ADGRF3: variants seen among roughly 807,000 people sequenced by gnomAD.
The protein encoded by ADGRF3 is adhesion G protein-coupled receptor F3.
Under a neutral mutation model 93.2 loss-of-function variants are expected in ADGRF3, and 85 were observed. The ratio of observed to expected loss-of-function variants is 0.91; its 90% CI spans 0.77 to 1.09. The LOEUF (loss-of-function observed/expected upper bound fraction) is 1.09, where lower values mean the gene tolerates loss of function less well. ADGRF3 is among the 50% of genes least tolerant of loss of function. The pLI is 0.00. For missense variants in ADGRF3, 1,125 were observed against 1,246.2 expected (o/e 0.90, Z 1.46); for synonymous variants, 534 against 532.5 (o/e 1.00, Z -0.04).
At chr2:26,339,356 G>T (rs1225457947) in intron 1 of ADGRF3, among the ~76,000 whole-genome samples, 1 of 151,750 alleles carries the variant, frequency 6.6e-6, no homozygotes, top group Non-Finnish European at 1.5e-5. Context: ...AAATTAGCTG[G>T]GCGTGGTGGC....
intron 1 of ADGRF3, among the ~76,000 whole-genome samples, chr2:26,331,484 G>T (rs1250827238): frequency 6.6e-6 from 1 of 152,178 alleles, no homozygotes; most frequent in Non-Finnish European, 1.5e-5. Context: ...CAGGGGCAGA[G>T]GTTGCAGTGA....
chr2:26,336,315 A>AGTGTGTGTGTGTGTGTGT (rs71399385), intron 1 of ADGRF3, among the ~76,000 whole-genome samples: 3,933 of 148,622 alleles, frequency 0.026, 78 homozygotes, highest in Middle Eastern at 0.038. Context: ...GGAGATCAAG[A>AGTGTGTGTGTGTGTGTGT]GTGTGTGTGT....
At chr2:26,310,407 G>C (rs1673970526) in intron 10 of ADGRF3, among the ~76,000 whole-genome samples, 170 bp from the exon 11 acceptor site, 1 of 152,126 alleles carries the variant, frequency 6.6e-6, no homozygotes, top group Non-Finnish European at 1.5e-5. Flanking sequence ...TATTGTTATG[G>C]TTATAAAAGG....
Position 26,341,827 on chromosome 2 carries a change from G to A in ADGRF3, c.114+4294C>T, listed in dbSNP as rs199635745. ...GGTGGCTCACACCTGTAATCCCAGC[G>A]CTTTGGGAGGCTGAGGCGGGCAGAT... On this transcript the variant is annotated intron_variant, in intron 1 of 13. Coordinates refer to ENST00000651242, the MANE Select transcript of ADGRF3 (RefSeq NM_001321971.2). Among the ~76,000 whole-genome samples the A allele has an allele frequency of 5.3e-5, 8 of 151,994 alleles. No individual in the cohort carries two copies. In the East Asian group the frequency reaches 9.7e-4, roughly 18 times the overall value.
intron 1 of ADGRF3, among the ~76,000 whole-genome samples, chr2:26,343,650 A>G (rs1236878854): frequency 6.6e-6 from 1 of 152,112 alleles, no homozygotes; most frequent in Non-Finnish European, 1.5e-5. Context: ...TCACCGTGTT[A>G]GCCAGGATGG....
chr2:26,329,832 T>C (rs1299580705), intron 1 of ADGRF3, among the ~76,000 whole-genome samples: 1 of 152,240 alleles, frequency 6.6e-6, no homozygotes, highest in Non-Finnish European at 1.5e-5. Flanking sequence ...TAAAACAGTG[T>C]TCACATTTAC....
At chr2:26,317,887 C>A in intron 1 of ADGRF3, 1 of 775,216 alleles carries the variant, frequency 1.3e-6, no homozygotes, top group Non-Finnish European at 2.2e-6. Context: ...AGCAGCGGAG[C>A]TGGACATTGC....
intron 1 of ADGRF3, among the ~76,000 whole-genome samples, chr2:26,332,490 A>G (rs1675819462): frequency 6.6e-6 from 1 of 152,256 alleles, no homozygotes; most frequent in Non-Finnish European, 1.5e-5. Context: ...CTGTAATTCC[A>G]GCACTTTGGG....
chr2:26,311,542 C>T lies in ADGRF3; in HGVS notation c.1982G>A (p.Trp661Ter), dbSNP rs762800134. ...CTGTGCCTGGCACCCTTCTTTGGAC[C>T]AACCCCCCCTGCCCTGGAAGAGACT... Reference protein sequence around the residue: ...DHSLFQGRGGWSKEGCQAQVA... With the variant: ...DHSLFQGRGG The change falls in exon 10 of 14, where the codon TGG becomes TAG. Residue 661 changes from tryptophan (W) to a stop codon, truncating the protein, a stop_gained. Coordinates refer to ENST00000651242, the MANE Select transcript of ADGRF3 (RefSeq NM_001321971.2). LOFTEE classifies it high-confidence loss of function. The T allele has an allele frequency of 6.2e-7, 1 of 1,613,972 alleles. No individual in the cohort carries two copies. The highest frequency in any genetic ancestry group is 1.7e-5 in the Admixed American group (1 of 60,030).
rs572659626 is a variant in ADGRF3 at position 26,331,315 on chromosome 2, C to T, written c.115-13753G>A. On this transcript the variant is annotated intron_variant, in intron 1 of 13. Transcript: ENST00000651242. ...CACACCTGTAATCACTTTAGGAGGC[C>T]GAGGCGGGTGGATCACCTGAGGTCA... is the stretch of plus-strand genomic sequence containing the variant. Among the ~76,000 whole-genome samples, 14 of 152,150 alleles carry T rather than the reference C, an allele frequency of 9.2e-5. No homozygotes were observed. In the East Asian group the frequency reaches 1.4e-3, roughly 15 times the overall value.
At chr2:26,344,857 T>C (rs1676609844) in intron 1 of ADGRF3, among the ~76,000 whole-genome samples, 1 of 152,086 alleles carries the variant, frequency 6.6e-6, no homozygotes, top group Non-Finnish European at 1.5e-5. Context: ...TTATCTACCA[T>C]ATACCAGGTA....
rs998799186 is a variant in ADGRF3, at chr2:26,346,429, G to A, written c.-195C>T. 9.3e-7 allele frequency: 1 copy of A among 1,071,842 alleles called. No individual in the cohort carries two copies. Among genetic ancestry groups the A allele is most frequent in the Admixed American group, 3.2e-5 (1 of 31,030 alleles). 66.4% of individuals were successfully genotyped at this position (1,071,842 alleles called of 1,614,324 possible). ...CGGGCGTTCCTCCGGAGGTCCTGCG[G>A]GTCCTGGGGATTGGGGGTCGGGGAG... On this transcript the variant is annotated 5_prime_UTR_variant, in exon 1 of 14. Transcript: ENST00000651242.
At chr2:26,332,896 C>T (rs989819707) in intron 1 of ADGRF3, among the ~76,000 whole-genome samples, 1 of 152,126 alleles carries the variant, frequency 6.6e-6, no homozygotes, top group Non-Finnish European at 1.5e-5. Flanking sequence ...GGATTATAGG[C>T]ACTAGCCTCC....
intron 1 of ADGRF3, among the ~76,000 whole-genome samples, chr2:26,334,843 T>G (rs1470764897): frequency 1.3e-5 from 2 of 152,188 alleles, no homozygotes; most frequent in East Asian, 3.8e-4. Context: ...AAGTACTAAA[T>G]TTTAAGCAAC....
rs533399485 is a variant in ADGRF3, at chr2:26,346,623, A to G, written c.-389T>C. The G allele has an allele frequency of 1.0e-5, 2 of 193,812 alleles. No homozygotes were observed. Among genetic ancestry groups the G allele is most frequent in the Non-Finnish European group, 2.1e-5 (2 of 94,796 alleles). 12.0% of individuals were successfully genotyped at this position (193,812 alleles called of 1,614,324 possible). Reference sequence around the variant, plus strand: ...GGATGGAGTTCCTTCTGTTGTGTCAATCGCCTTCATTTTAGTGAAGTTTCC... The same window carrying G: ...GGATGGAGTTCCTTCTGTTGTGTCAGTCGCCTTCATTTTAGTGAAGTTTCC... On this transcript the variant is annotated 5_prime_UTR_variant, in exon 1 of 14. Coordinates refer to ENST00000651242, the MANE Select transcript of ADGRF3 (RefSeq NM_001321971.2).
chr2:26,309,377 C>G (rs1673831818), intron 13 of ADGRF3, 149 bp downstream of exon 13: 1 of 1,496,238 alleles, frequency 6.7e-7, no homozygotes, highest in Non-Finnish European at 8.9e-7. Flanking sequence ...CTAGCAATGG[C>G]TACCCTAGAA....
chr2:26,339,600 C>A (rs1676257488), intron 1 of ADGRF3, among the ~76,000 whole-genome samples: 1 of 152,116 alleles, frequency 6.6e-6, no homozygotes, highest in South Asian at 2.1e-4. Context: ...AATTTTGAAG[C>A]AAACTGCAGA....
At chr2:26,343,013 C>G (rs559459661) in intron 1 of ADGRF3, among the ~76,000 whole-genome samples, 1 of 152,286 alleles carries the variant, frequency 6.6e-6, no homozygotes, top group East Asian at 1.9e-4. Flanking sequence ...TAGTTATTAT[C>G]AAGTATTCAG....
At chr2:26,333,812 A>G (rs1051789857) in intron 1 of ADGRF3, among the ~76,000 whole-genome samples, 3 of 152,138 alleles carry the variant, frequency 2.0e-5, no homozygotes, top group Non-Finnish European at 4.4e-5. Flanking sequence ...AGGATTTCAT[A>G]AAATGTATTT....
Sources: gnomAD v4.1 joint callset for allele counts (sites outside exome capture counted in the v4.1 genomes callset) on GRCh38, gnomAD v4.1.1 for gene constraint, MANE v1.5 for transcripts, NCBI Gene and HGNC (gene_info 2026-07-23, HGNC 2026-07-21) for gene names.